UBR3: variants seen among roughly 807,000 people sequenced by gnomAD.
The protein encoded by UBR3 is ubiquitin protein ligase E3 component n-recognin 3.
Under a neutral mutation model 243.2 loss-of-function variants are expected in UBR3, and 85 were observed. The observed-to-expected ratio is 0.35, with a 90% CI of 0.29 to 0.42. The LOEUF (loss-of-function observed/expected upper bound fraction) is 0.42. UBR3 is among the 10% of genes least tolerant of loss of function. The pLI, the probability that UBR3 is intolerant of heterozygous loss-of-function variation, is 1.00. For missense variants in UBR3, 1,686 were observed against 2,300.8 expected (o/e 0.73, Z 5.47); for synonymous variants, 748 against 799.8 (o/e 0.94, Z 1.09).
Position 169,905,190 on chromosome 2 carries a change from T to G in UBR3, c.1542T>G (p.Val514=). Residue 514 remains valine, a synonymous_variant, in exon 9 of 39, where the codon GTT becomes GTG. Coordinates refer to ENST00000272793, the MANE Select transcript of UBR3 (RefSeq NM_172070.4). ...AGAATAACACTTACTGGCCTCTTGTTAGTGATTTTATTAATATTCTTTCTC... is the reference window on the plus strand; with the variant it reads ...AGAATAACACTTACTGGCCTCTTGTGAGTGATTTTATTAATATTCTTTCTC... ...LLKNNTYWPL[V]SDFINILSHQ... 1 of 1,543,380 alleles carries G rather than the reference T, an allele frequency of 6.5e-7. No individual in the cohort carries two copies. Among genetic ancestry groups the G allele is most frequent in the Non-Finnish European group, 8.7e-7 (1 of 1,143,222 alleles).
intron 24 of UBR3, among the ~76,000 whole-genome samples, chr2:169,969,654 T>A (rs1354812983): frequency 1.3e-5 from 2 of 151,370 alleles, no homozygotes; most frequent in South Asian, 2.1e-4. Flanking sequence ...GTTCATGCCA[T>A]TCTCCTGCCT....
At chr2:170,072,819 A>G (rs901146361) in intron 35 of UBR3, among the ~76,000 whole-genome samples, 1 of 152,092 alleles carries the variant, frequency 6.6e-6, no homozygotes. Context: ...ATTGGGGAAT[A>G]TATTTCTGTG....
intron 25 of UBR3, among the ~76,000 whole-genome samples, chr2:169,987,550 A>T (rs963472667): frequency 5.9e-5 from 9 of 151,604 alleles, no homozygotes; most frequent in Admixed American, 5.2e-4. Context: ...TATGTTTAGC[A>T]GTCTATAGTT....
Position 170,001,404 on chromosome 2 carries a change from A to T in UBR3, c.4019A>T (p.Glu1340Val). Residue 1340 changes from glutamate to valine, a missense_variant, in exon 27 of 39, where the codon GAA (glutamate) becomes GTA (valine). Transcript: ENST00000272793. ...ATAGATTGTCATAAATCTTACATGG[A>T]ATCATTACGGGTAAGTTGATTGCAA... Reference protein sequence around the residue: ...LHIDCHKSYMESLRNDQVLQG... With the variant: ...LHIDCHKSYMVSLRNDQVLQG... 6.2e-7 allele frequency: 1 copy of T among 1,611,954 alleles called. No homozygotes were observed. The highest frequency in any genetic ancestry group is 1.1e-5 in the South Asian group (1 of 90,952).
chr2:169,901,394 T>G (rs1223808467), intron 8 of UBR3, among the ~76,000 whole-genome samples: 1 of 152,156 alleles, frequency 6.6e-6, no homozygotes, highest in Middle Eastern at 3.2e-3. Flanking sequence ...TGCCATACTA[T>G]TTTTTCCTCT....
intron 31 of UBR3, among the ~76,000 whole-genome samples, chr2:170,036,525 T>C (rs979715169): frequency 3.3e-5 from 5 of 152,104 alleles, no homozygotes; most frequent in African/African-American, 1.2e-4. Context: ...AAAAAAAGTA[T>C]TATCACTTAA....
At chr2:169,828,693 T>C (rs1300071526) in intron 1 of UBR3, among the ~76,000 whole-genome samples, 1 of 152,066 alleles carries the variant, frequency 6.6e-6, no homozygotes, top group Non-Finnish European at 1.5e-5. Context: ...TGGAATGACA[T>C]TTAGAATTGG....
chr2:169,970,451 T>C (rs2088074443), intron 24 of UBR3, among the ~76,000 whole-genome samples: 1 of 120,764 alleles, frequency 8.3e-6, no homozygotes, highest in Admixed American at 8.4e-5. Flanking sequence ...ATTAGGTATA[T>C]CTCCCAATGC....
intron 24 of UBR3, among the ~76,000 whole-genome samples, chr2:169,977,255 A>C (rs1193863757): frequency 1.3e-5 from 2 of 152,044 alleles, no homozygotes; most frequent in Admixed American, 1.3e-4. Context: ...TACTAGAGAG[A>C]TACGAAGTTC....
chr2:169,877,802 A>G (rs2083671563), intron 4 of UBR3, among the ~76,000 whole-genome samples, 165 bp downstream of exon 4: 1 of 152,220 alleles, frequency 6.6e-6, no homozygotes, highest in African/African-American at 2.4e-5. Context: ...GCAAAAAAGA[A>G]TAGATTGACC....
In UBR3 at chr2:170,011,631, T is replaced by C. The variant is rs530540827; in HGVS notation, c.4367+2691T>C. On this transcript the variant is annotated intron_variant, in intron 29 of 38. Coordinates refer to ENST00000272793, the MANE Select transcript of UBR3 (RefSeq NM_172070.4). ...TGGTGAGTTTTACAGCTTTTCTTTT[T>C]TTTTTTTTTTTTGTAAGACAGTACA... Among the ~76,000 whole-genome samples the C allele has an allele frequency of 4.4e-3, 664 of 150,888 alleles. 3 individuals carry two copies. Among genetic ancestry groups the C allele is most frequent in the African/African-American group, 0.015 (618 of 41,034 alleles).
At chr2:170,048,361 C>T (rs1180014833) in intron 32 of UBR3, among the ~76,000 whole-genome samples, 2 of 152,172 alleles carry the variant, frequency 1.3e-5, no homozygotes, top group African/African-American at 2.4e-5. Flanking sequence ...GTCAGAGGGT[C>T]AAAACCTCAC....
At chr2:169,834,176 C>G (rs2105277615) in intron 1 of UBR3, among the ~76,000 whole-genome samples, 1 of 152,308 alleles carries the variant, frequency 6.6e-6, no homozygotes, top group Non-Finnish European at 1.5e-5. Flanking sequence ...TAGTGTTACT[C>G]TCTTCAGTAG....
chr2:169,879,637 GATA>G (rs1387597763), intron 5 of UBR3, among the ~76,000 whole-genome samples: 1 of 152,130 alleles, frequency 6.6e-6, no homozygotes, highest in Non-Finnish European at 1.5e-5. Flanking sequence ...GTGAAATGGA[GATA>G]ATAATAGTAC....
intron 32 of UBR3, among the ~76,000 whole-genome samples, chr2:170,050,565 C>T (rs891285205): frequency 6.6e-5 from 10 of 152,024 alleles, no homozygotes; most frequent in South Asian, 2.1e-4. Context: ...TTCCTTTGTT[C>T]GTCCTCAGGT....
Position 169,827,650 on chromosome 2 carries a change from C to G in UBR3, c.143C>G (p.Ala48Gly). 1 of 1,248,746 alleles carries G rather than the reference C, an allele frequency of 8.0e-7. No homozygotes were observed. The highest frequency in any genetic ancestry group is 1.0e-6 in the Non-Finnish European group (1 of 998,150). The allele number at this position is 1,248,746 out of a possible 1,614,324, so 77.4% of individuals were successfully genotyped here. ...AGCCGGCCGGACAACCGCGCAGGTG[C>G]TGAGGAGCTGCAGGCGCTGCTGGAG... ...ALSRPDNRAG[A>G]EELQALLERV... Residue 48 changes from alanine to glycine, a missense_variant, in exon 1 of 39, where the codon GCT becomes GGT. This residue lies in a region of UBR3 where 79 missense variants were observed against 73.2 expected (regional missense o/e 1.08). Coordinates refer to ENST00000272793, the MANE Select transcript of UBR3 (RefSeq NM_172070.4).
intron 1 of UBR3, among the ~76,000 whole-genome samples, chr2:169,837,200 G>A (rs2082138048): frequency 6.6e-6 from 1 of 152,206 alleles, no homozygotes; most frequent in African/African-American, 2.4e-5. Flanking sequence ...TGCCTGAACG[G>A]GCCCGGAGGC....
At chr2:169,842,542 T>C (rs1436531825) in intron 1 of UBR3, among the ~76,000 whole-genome samples, 1 of 152,174 alleles carries the variant, frequency 6.6e-6, no homozygotes, top group Non-Finnish European at 1.5e-5. Flanking sequence ...CACGCTGCTT[T>C]TATGAGCTGT....
At chr2:169,863,172 CCTCT>C (rs916168286) in intron 1 of UBR3, among the ~76,000 whole-genome samples, 2 of 152,156 alleles carry the variant, frequency 1.3e-5, no homozygotes, top group African/African-American at 4.8e-5. Context: ...CCTTTTGTTT[CCTCT>C]CTCCTCTACT....
Sources: gnomAD v4.1 joint callset for allele counts (sites outside exome capture counted in the v4.1 genomes callset) on GRCh38, gnomAD v4.1.1 for gene constraint, gnomAD v4.1.1 regional missense constraint, MANE v1.5 for transcripts, NCBI Gene and HGNC (gene_info 2026-07-23, HGNC 2026-07-21) for gene names.